The following LAMA2 variants were observed in gnomAD, a reference collection of about 807,000 sequenced individuals.
The protein encoded by LAMA2 is laminin subunit alpha 2, also known as laminin subunit alpha-2.
In LAMA2, 269 loss-of-function variants were observed where a neutral mutation model predicts 364.8. The ratio of observed to expected loss-of-function variants is 0.74; its 90% CI spans 0.67 to 0.82. LAMA2 has a LOEUF of 0.82. Ranked by LOEUF, LAMA2 falls within the 40% of genes least tolerant of loss-of-function variation. LAMA2 has a pLI of 0.00. For synonymous variants in LAMA2, 1,379 were observed against 1,370.6 expected, an observed-to-expected ratio of 1.01 and a Z score of -0.14; for missense variants, 3,807 against 3,873.2, an observed-to-expected ratio of 0.98 and a Z score of 0.45.
At chr6:128,971,289 T>C (rs570164254) in intron 1 of LAMA2, among the ~76,000 whole-genome samples, 1 of 152,332 alleles carries the variant, frequency 6.6e-6, no homozygotes, top group Admixed American at 6.5e-5. Flanking sequence ...CTTAAGTGCC[T>C]AGTGTTGTCA....
intron 29 of LAMA2, among the ~76,000 whole-genome samples, chr6:129,338,596 G>A (rs764975284): frequency 1.3e-4 from 20 of 152,034 alleles, no homozygotes; most frequent in Admixed American, 1.3e-3. Flanking sequence ...TGAAATTTGG[G>A]CTTTTTCATC....
At chr6:129,391,786 A>T (rs576755480) in intron 36 of LAMA2, 133 bp downstream of exon 36, 1 of 693,446 alleles carries the variant, frequency 1.4e-6, no homozygotes, top group East Asian at 2.7e-5. Flanking sequence ...TTGCTATGTT[A>T]TCTATCATCT....
intron 28 of LAMA2, 109 bp from the exon 29 acceptor site, chr6:129,328,169 G>A (rs1775413783): frequency 6.5e-6 from 6 of 921,958 alleles, no homozygotes; most frequent in Non-Finnish European, 1.1e-5. Context: ...TGTTGCCCCT[G>A]CCGCAGGTGG....
intron 34 of LAMA2, among the ~76,000 whole-genome samples, chr6:129,377,610 G>T (rs1450581384): frequency 2.6e-5 from 4 of 152,162 alleles, no homozygotes; most frequent in Non-Finnish European, 5.9e-5. Flanking sequence ...AATATTGGAA[G>T]ATGACCCTTG....
intron 3 of LAMA2, among the ~76,000 whole-genome samples, chr6:129,084,085 G>C (rs1163513681): frequency 6.6e-6 from 1 of 152,160 alleles, no homozygotes; most frequent in East Asian, 1.9e-4. Flanking sequence ...AAATGGATTA[G>C]TGAACAAGTT....
rs144695567 is a variant in LAMA2, at chr6:129,015,595, T to A, written c.113-34323T>A. Reference sequence around the variant, plus strand: ...CTAAGGTACTCTAACACTAGAATTTTAAACTTGTTATATTTGTTACTTTGG... The same window carrying A: ...CTAAGGTACTCTAACACTAGAATTTAAAACTTGTTATATTTGTTACTTTGG... On this transcript the variant is annotated intron_variant, in intron 1 of 64. Coordinates refer to ENST00000421865, the MANE Select transcript of LAMA2 (RefSeq NM_000426.4). Among the ~76,000 whole-genome samples the A allele has an allele frequency of 9.8e-3, 1,487 of 152,234 alleles. 10 individuals carry two copies. The highest frequency in any genetic ancestry group is 0.037 in the Middle Eastern group (11 of 294).
chr6:129,079,819 C>G (rs899088203), intron 3 of LAMA2, among the ~76,000 whole-genome samples: 2 of 152,072 alleles, frequency 1.3e-5, no homozygotes, highest in Non-Finnish European at 1.5e-5. Context: ...ATATACAACA[C>G]ATATACAAAT....
In LAMA2 at chr6:129,291,635, G is replaced by A; in HGVS notation, c.2771G>A (p.Gly924Asp). The change falls in exon 20 of 65, where the codon GGC becomes GAC. Residue 924 changes from glycine (G) to aspartate (D), a missense_variant. Physicochemically the swap from Gly to Asp is moderately conservative, Grantham distance 94 (BLOSUM62 -1). Coordinates refer to ENST00000421865, the MANE Select transcript of LAMA2 (RefSeq NM_000426.4). Reference sequence around the variant, plus strand: ...GCAGCCTGTCGCTGTAATGCCGGTGGCTCTTTCTCTGAGGTTTGCCACAGT... The same window carrying A: ...GCAGCCTGTCGCTGTAATGCCGGTGACTCTTTCTCTGAGGTTTGCCACAGT... ...NCQPCRCNAG[G>D]SFSEVCHSQT... is the part of the protein sequence containing the mutation. 1 of 1,614,000 alleles carries A rather than the reference G, an allele frequency of 6.2e-7. No individual in the cohort carries two copies. Among genetic ancestry groups the A allele is most frequent in the East Asian group, 2.2e-5 (1 of 44,874 alleles).
At chr6:128,959,046 A>T (rs942294295) in intron 1 of LAMA2, among the ~76,000 whole-genome samples, 1 of 152,164 alleles carries the variant, frequency 6.6e-6, no homozygotes, top group Non-Finnish European at 1.5e-5. Context: ...TATAAATATT[A>T]CTCACAGCTG....
rs2114398356 is a variant in LAMA2 at position 128,895,659 on chromosome 6, G to C, written c.112+12302G>C. On this transcript the variant is annotated intron_variant, in intron 1 of 64. Coordinates refer to ENST00000421865, the MANE Select transcript of LAMA2 (RefSeq NM_000426.4). ...CGAGACTCCGTGAACTCATGAGCAAGGTTTAGTACAAAGGAAACATACTAA... is the reference window on the plus strand; with the variant it reads ...CGAGACTCCGTGAACTCATGAGCAACGTTTAGTACAAAGGAAACATACTAA... Among the ~76,000 whole-genome samples the C allele has an allele frequency of 1.3e-5, 2 of 151,900 alleles. 1 individual carries two copies. The highest frequency in any genetic ancestry group is 3.9e-4 in the East Asian group (2 of 5,134).
intron 1 of LAMA2, among the ~76,000 whole-genome samples, chr6:128,889,913 T>C (rs1326248877): frequency 1.3e-5 from 2 of 152,204 alleles, no homozygotes; most frequent in African/African-American, 4.8e-5. Flanking sequence ...CAAAAGATCA[T>C]TGAGGATTGC....
At chr6:128,908,168 T>G (rs1181681526) in intron 1 of LAMA2, among the ~76,000 whole-genome samples, 1 of 149,498 alleles carries the variant, frequency 6.7e-6, no homozygotes, top group East Asian at 2.0e-4. Context: ...TTAGGGAGGA[T>G]TCCCTCTTTT....
chr6:129,483,659 A>G (rs1355705436), intron 55 of LAMA2, among the ~76,000 whole-genome samples: 1 of 152,218 alleles, frequency 6.6e-6, no homozygotes, highest in South Asian at 2.1e-4. Context: ...ATCAAAGATG[A>G]AATTCCTAGA....
In LAMA2 at chr6:129,516,323, A is replaced by C; in HGVS notation, c.9345A>C (p.Gln3115His). The change falls in exon 65 of 65, where the codon CAA becomes CAC. Residue 3115 changes from glutamine (Q) to histidine (H), a missense_variant. By Grantham distance (24) the Gln-to-His change is conservative. This residue lies in a region of LAMA2 where 3,333 missense variants were observed against 3,345.7 expected (regional missense o/e 1.00). Coordinates refer to ENST00000421865, the MANE Select transcript of LAMA2 (RefSeq NM_000426.4). ...FAKALELRGV[Q>H]PVSCPAN Reference sequence around the variant, plus strand: ...AGGCCCTGGAACTGAGGGGCGTTCAACCTGTATCATGCCCAGCCAACTAAT... The same window carrying C: ...AGGCCCTGGAACTGAGGGGCGTTCACCCTGTATCATGCCCAGCCAACTAAT... 6.2e-7 allele frequency: 1 copy of C among 1,614,096 alleles called. No individual in the cohort carries two copies. The highest frequency in any genetic ancestry group is 8.5e-7 in the Non-Finnish European group (1 of 1,179,978).
At chr6:129,046,531 A>G (rs527465313) in intron 1 of LAMA2, among the ~76,000 whole-genome samples, 1 of 152,266 alleles carries the variant, frequency 6.6e-6, no homozygotes, top group Non-Finnish European at 1.5e-5. Flanking sequence ...CATGATTCAA[A>G]TACCTCCCAA....
chr6:129,361,528 C>T (rs967616957), intron 32 of LAMA2, among the ~76,000 whole-genome samples: 15 of 152,242 alleles, frequency 9.9e-5, no homozygotes, highest in African/African-American at 3.6e-4. Context: ...TCCCAGATGG[C>T]CTCAAGCCCA....
intron 12 of LAMA2, among the ~76,000 whole-genome samples, chr6:129,228,582 A>C (rs1035546059): frequency 6.6e-6 from 1 of 152,220 alleles, no homozygotes; most frequent in Non-Finnish European, 1.5e-5. Context: ...TTACTTATTT[A>C]CATTTTAATA....
intron 2 of LAMA2, among the ~76,000 whole-genome samples, chr6:129,056,269 C>A (rs1188395257): frequency 6.6e-6 from 1 of 152,122 alleles, no homozygotes; most frequent in African/African-American, 2.4e-5. Context: ...ATTTCAGCAC[C>A]CTCTTATTTC....
At chr6:129,118,725 T>C (rs1025027162) in intron 4 of LAMA2, among the ~76,000 whole-genome samples, 22 of 152,300 alleles carry the variant, frequency 1.4e-4, no homozygotes, top group African/African-American at 4.1e-4. Context: ...GCCAAGAGTA[T>C]ACAGTCAGAA....
Sources: gnomAD v4.1 joint callset for allele counts (sites outside exome capture counted in the v4.1 genomes callset) on GRCh38, gnomAD v4.1.1 for gene constraint, gnomAD v4.1.1 regional missense constraint, MANE v1.5 for transcripts, NCBI Gene and HGNC (gene_info 2026-07-23, HGNC 2026-07-21) for gene names.